FGFR1OP2: variants seen among roughly 807,000 people sequenced by gnomAD.
FGFR1OP2 encodes the protein fibroblast growth factor receptor 1 oncogene partner 2.
A neutral mutation model predicts 35.2 loss-of-function variants in FGFR1OP2; 17 were observed. The observed-to-expected ratio is 0.48, with a 90% CI of 0.33 to 0.73. FGFR1OP2 has a LOEUF of 0.73. Ranked by LOEUF, FGFR1OP2 falls within the 30% of genes least tolerant of loss-of-function variation. FGFR1OP2 has a pLI of 0.02. For missense variants in FGFR1OP2, 251 were observed against 307.3 expected, an observed-to-expected ratio of 0.82 and a Z score of 1.37; for synonymous variants, 105 against 104.6, an observed-to-expected ratio of 1.00 and a Z score of -0.03.
intron 1 of FGFR1OP2, among the ~76,000 whole-genome samples, chr12:26,944,251 AGCCTGT>A (rs1938786052): frequency 6.6e-6 from 1 of 152,148 alleles, no homozygotes; most frequent in Non-Finnish European, 1.5e-5. Flanking sequence ...CTTCTTTTCC[AGCCTGT>A]ATGGTTTTTC....
intron 1 of FGFR1OP2, among the ~76,000 whole-genome samples, chr12:26,948,997 C>T (rs1034880737): frequency 4.6e-5 from 7 of 151,904 alleles, no homozygotes; most frequent in East Asian, 1.9e-4. Context: ...GGCAAGACCT[C>T]GCCTCTAAAA....
At chr12:26,960,295 A>G (rs1388878830) in intron 4 of FGFR1OP2, among the ~76,000 whole-genome samples, 2 of 152,212 alleles carry the variant, frequency 1.3e-5, no homozygotes, top group Non-Finnish European at 2.9e-5. Context: ...GCCCTTAACT[A>G]GAAGTTTTTG....
At chr12:26,939,094 G>T (rs1170692846) in intron 1 of FGFR1OP2, among the ~76,000 whole-genome samples, 4 of 152,134 alleles carry the variant, frequency 2.6e-5, no homozygotes, top group Non-Finnish European at 5.9e-5. Flanking sequence ...TCTCCAAGGG[G>T]TATTACTCTT....
At position 26,965,444 on chromosome 12, in the gene FGFR1OP2, C is replaced by T. The variant is rs1258018116; in HGVS notation, c.*711C>T. On this transcript the variant is annotated 3_prime_UTR_variant, in exon 7 of 7. Transcript: ENST00000229395. ...TAGACATATTTAGTAGGTTAAACTA[C>T]TCCTTTGAAAGAATAAGTTTTGGTT... 6.6e-6 allele frequency: 1 copy of T among 152,490 alleles called. No individual in the cohort carries two copies. Among genetic ancestry groups the T allele is most frequent in the African/African-American group, 2.4e-5 (1 of 41,430 alleles). 9.4% of individuals were successfully genotyped at this position (152,490 alleles called of 1,614,324 possible).
At chr12:26,941,644 A>C (rs1009982312) in intron 1 of FGFR1OP2, among the ~76,000 whole-genome samples, 7 of 152,356 alleles carry the variant, frequency 4.6e-5, no homozygotes, top group African/African-American at 1.7e-4. Context: ...CAACTTTAAA[A>C]AGCCAATCAG....
intron 6 of FGFR1OP2, 77 bp downstream of exon 6, chr12:26,963,532 A>AT: frequency 1.1e-6 from 1 of 925,310 alleles, no homozygotes; most frequent in Non-Finnish European, 1.6e-6. Flanking sequence ...CCATTTTTAA[A>AT]TATATATTTA....
chr12:26,964,457 CATT>C lies in FGFR1OP2; in HGVS notation c.625-138_625-136del, dbSNP rs1939145425. Reference sequence around the variant, plus strand: ...GATTCAAGTTGCCAACTGCATATATCATTGAGTAGATTAATGCCAATTACAGAC... The same window carrying C: ...GATTCAAGTTGCCAACTGCATATATCGAGTAGATTAATGCCAATTACAGAC... On this transcript the variant is annotated intron_variant, in intron 6 of 6. Coordinates refer to ENST00000229395, the MANE Select transcript of FGFR1OP2 (RefSeq NM_015633.3). The C allele has an allele frequency of 6.1e-6, 5 of 818,224 alleles. No individual in the cohort carries two copies. In the Admixed American group the frequency reaches 8.4e-5, roughly 14 times the overall value. The allele number at this position is 818,224 out of a possible 1,614,324, so 50.7% of individuals were successfully genotyped here.
intron 5 of FGFR1OP2, 78 bp from the exon 6 acceptor site, chr12:26,963,264 G>A (rs1376753379): frequency 1.1e-5 from 9 of 826,598 alleles, no homozygotes; most frequent in African/African-American, 5.1e-5. Flanking sequence ...AAGTGGTACT[G>A]CAGATTTTAT....
At chr12:26,959,068 GTAAT>G (rs1021135721) in intron 4 of FGFR1OP2, among the ~76,000 whole-genome samples, 5 of 151,982 alleles carry the variant, frequency 3.3e-5, no homozygotes, top group Admixed American at 6.5e-5. Flanking sequence ...TAACTTATTA[GTAAT>G]TAATTCTATT....
At chr12:26,959,644 G>A (rs757936132) in intron 4 of FGFR1OP2, among the ~76,000 whole-genome samples, 5 of 152,144 alleles carry the variant, frequency 3.3e-5, no homozygotes, top group Non-Finnish European at 7.4e-5. Context: ...TAAGATAGCT[G>A]TAAGCCATCC....
At position 26,956,607 on chromosome 12, in the gene FGFR1OP2, T is replaced by C. The variant is rs144362881; in HGVS notation, c.200T>C (p.Met67Thr). ...ARHRPRSTLV[M>T]GIQQENRQIR... is the part of the protein sequence containing the mutation. ...CATCGGCCACGGTCCACGTTAGTTA[T>C]GGGAATCCAGCAAGAAAACAGACAA... is the stretch of plus-strand genomic sequence containing the variant. The change falls in exon 3 of 7, where the codon ATG becomes ACG. Residue 67 changes from methionine (M) to threonine (T), a missense_variant. By Grantham distance (81) the Met-to-Thr change is moderately conservative. Coordinates refer to ENST00000229395, the MANE Select transcript of FGFR1OP2 (RefSeq NM_015633.3). 212 of 1,607,046 alleles carry C rather than the reference T, an allele frequency of 1.3e-4. 2 individuals are homozygous for C. In the East Asian group the frequency reaches 3.2e-3, roughly 25 times the overall value.
chr12:26,957,466 T>C (rs906257869), intron 3 of FGFR1OP2, 135 bp from the exon 4 acceptor site: 2 of 721,802 alleles, frequency 2.8e-6, no homozygotes, highest in Non-Finnish European at 4.6e-6. Flanking sequence ...TGGTGTCTCT[T>C]ATTGTTATAT....
chr12:26,941,380 A>C (rs1938732076), intron 1 of FGFR1OP2, among the ~76,000 whole-genome samples: 2 of 152,242 alleles, frequency 1.3e-5, no homozygotes, highest in African/African-American at 4.8e-5. Flanking sequence ...GCATATTATA[A>C]AATATTTTAA....
At chr12:26,948,329 TA>T (rs1302394824) in intron 1 of FGFR1OP2, among the ~76,000 whole-genome samples, 15 of 152,250 alleles carry the variant, frequency 9.9e-5, no homozygotes, top group Non-Finnish European at 2.9e-5. Context: ...TTCTTTATAA[TA>T]AGTCTACTGG....
intron 5 of FGFR1OP2, chr12:26,962,461 ACC>A (rs1383624530): frequency 6.6e-6 from 1 of 152,190 alleles, no homozygotes; most frequent in Non-Finnish European, 1.5e-5. Context: ...ATGATAAAAT[ACC>A]TCTCAGTTGC....
Sources: gnomAD v4.1 joint callset for allele counts (sites outside exome capture counted in the v4.1 genomes callset) on GRCh38, gnomAD v4.1.1 for gene constraint, MANE v1.5 for transcripts, NCBI Gene and HGNC (gene_info 2026-07-23, HGNC 2026-07-21) for gene names.